The following WDR64 variants were observed in gnomAD, a reference collection of about 807,000 sequenced individuals.
The protein encoded by WDR64 is WD repeat domain 64.
Under a neutral mutation model 139.3 loss-of-function variants are expected in WDR64, and 112 were observed. The observed-to-expected ratio is 0.80, with a 90% CI of 0.69 to 0.94. The LOEUF (loss-of-function observed/expected upper bound fraction) is 0.94. Among genes scored for constraint, WDR64 ranks in the 40% least tolerant of loss-of-function variants. WDR64 has a pLI of 0.00. For missense variants in WDR64, 1,206 were observed against 1,293.1 expected (o/e 0.93, Z 1.03); for synonymous variants, 444 against 437.7 (o/e 1.01, Z -0.18).
At chr1:241,785,874 G>A (rs1168993749) in intron 23 of WDR64, among the ~76,000 whole-genome samples, 3 of 152,162 alleles carry the variant, frequency 2.0e-5, no homozygotes, top group Non-Finnish European at 4.4e-5. Flanking sequence ...AGGCAAAGTG[G>A]GGCTCAAGGT....
At chr1:241,795,075 C>G in intron 25 of WDR64, 132 bp from the exon 26 acceptor site, 1 of 688,054 alleles carries the variant, frequency 1.5e-6, no homozygotes, top group Non-Finnish European at 2.5e-6. Flanking sequence ...ATTTGATTCT[C>G]ATAACTAGGT....
chr1:241,802,000 A>C lies in WDR64; in HGVS notation c.*785A>C, dbSNP rs1168371855. ...GACACCAAACTCTTAAAGATAAAAG[A>C]ATGAAAAAAGATGTATGATGCAAAA... is the stretch of plus-strand genomic sequence containing the variant. On this transcript the variant is annotated 3_prime_UTR_variant, in exon 28 of 28. Transcript: ENST00000437684. The C allele has an allele frequency of 1.5e-5, 6 of 397,846 alleles. No homozygotes were observed. Among genetic ancestry groups the C allele is most frequent in the Admixed American group, 4.4e-5 (1 of 22,710 alleles). The allele number at this position is 397,846 out of a possible 1,614,324, so 24.6% of individuals were successfully genotyped here.
At chr1:241,663,217 C>T (rs1665898436) in intron 2 of WDR64, among the ~76,000 whole-genome samples, 1 of 152,180 alleles carries the variant, frequency 6.6e-6, no homozygotes, top group South Asian at 2.1e-4. Context: ...TGTAAAGATA[C>T]CAACTGTTCC....
At chr1:241,695,795 G>A (rs1667460138) in intron 8 of WDR64, among the ~76,000 whole-genome samples, 4 of 151,998 alleles carry the variant, frequency 2.6e-5, no homozygotes, top group Admixed American at 2.6e-4. Context: ...TATTGCCAAT[G>A]CTAAGATTAT....
At chr1:241,697,663 C>A (rs1667547588) in intron 8 of WDR64, among the ~76,000 whole-genome samples, 1 of 152,216 alleles carries the variant, frequency 6.6e-6, no homozygotes, top group Non-Finnish European at 1.5e-5. Context: ...ACATTTTCCT[C>A]CTAACAATCA....
intron 8 of WDR64, among the ~76,000 whole-genome samples, chr1:241,710,573 T>G (rs1368093893): frequency 6.6e-6 from 1 of 152,068 alleles, no homozygotes; most frequent in Non-Finnish European, 1.5e-5. Context: ...CCTAAGAAAG[T>G]TACATTTAAG....
intron 13 of WDR64, among the ~76,000 whole-genome samples, chr1:241,745,354 C>T (rs1217397143): frequency 6.6e-6 from 1 of 151,746 alleles, no homozygotes; most frequent in Non-Finnish European, 1.5e-5. Flanking sequence ...ATGCAACTGC[C>T]CTTCACGTGG....
At chr1:241,725,548 C>G (rs948367236) in intron 10 of WDR64, among the ~76,000 whole-genome samples, 2 of 152,084 alleles carry the variant, frequency 1.3e-5, no homozygotes, top group Middle Eastern at 3.2e-3. Flanking sequence ...GCGAATCTCC[C>G]TGGAGCCCAT....
In WDR64 at chr1:241,739,131, C is replaced by T. The variant is rs1669437620; in HGVS notation, c.1321+642C>T. ...GACCAATGGAGAGTGAGGATAGAGT[C>T]CCAGTGCTGATGCCAACAGATTTGT... On this transcript the variant is annotated intron_variant, in intron 11 of 27. Transcript: ENST00000437684. Among the ~76,000 whole-genome samples the T allele has an allele frequency of 2.0e-5, 3 of 152,196 alleles. No individual in the cohort carries two copies. The South Asian group carries it at 6.2e-4, about 32-fold the overall frequency.
At chr1:241,800,050 A>ATTG (rs1558530020) in intron 27 of WDR64, among the ~76,000 whole-genome samples, 1 of 152,240 alleles carries the variant, frequency 6.6e-6, no homozygotes, top group Non-Finnish European at 1.5e-5. Context: ...CATAAGAGAC[A>ATTG]CTGCAGAAAC....
Position 241,703,934 on chromosome 1 carries a change from A to G in WDR64, c.975-7868A>G, listed in dbSNP as rs922873895. Among the ~76,000 whole-genome samples the G allele has an allele frequency of 1.3e-5, 2 of 152,158 alleles. No homozygotes were observed. Among genetic ancestry groups the G allele is most frequent in the Non-Finnish European group, 1.5e-5 (1 of 68,028 alleles). On this transcript the variant is annotated intron_variant, in intron 8 of 27. Transcript: ENST00000437684. The surrounding 1 kb of genome is among the most constrained non-coding windows in gnomAD (Gnocchi z 5.9). ...ATCTCATGAGAACTCACTCACTAACACAAGAACAACACGGGAGAAGCCGCC... is the reference window on the plus strand; with the variant it reads ...ATCTCATGAGAACTCACTCACTAACGCAAGAACAACACGGGAGAAGCCGCC...
At chr1:241,719,391 G>A (rs1361020557) in intron 9 of WDR64, among the ~76,000 whole-genome samples, 1 of 152,072 alleles carries the variant, frequency 6.6e-6, no homozygotes, top group African/African-American at 2.4e-5. Context: ...TAACTATGAA[G>A]GATGATGGGG....
At chr1:241,750,473 A>T (rs571177312) in intron 14 of WDR64, among the ~76,000 whole-genome samples, 1 of 152,216 alleles carries the variant, frequency 6.6e-6, no homozygotes, top group Non-Finnish European at 1.5e-5. Context: ...GCCTGATGTA[A>T]TATACTCTTC....
Position 241,723,380 on chromosome 1 carries a change from G to A in WDR64, c.1138G>A (p.Ala380Thr), listed in dbSNP as rs377288411. 25 of 1,613,776 alleles carry A rather than the reference G, an allele frequency of 1.5e-5. No individual in the cohort carries two copies. The highest frequency in any genetic ancestry group is 1.9e-5 in the Non-Finnish European group (23 of 1,179,852). The change falls in exon 10 of 28, where the codon GCC (alanine) becomes ACC (threonine). Residue 380 changes from alanine to threonine, a missense_variant. Ala to Thr is a moderately conservative substitution (Grantham distance 58). Coordinates refer to ENST00000437684, the MANE Select transcript of WDR64 (RefSeq NM_001367482.1). ...GKLVGHMFSI[A>T]EIVTNEKDQH... is the part of the protein sequence containing the mutation. ...ACTTGTAGGACACATGTTCAGTATC[G>A]CCGAGATCGTAACCAATGAAAAAGA...
Position 241,735,845 on chromosome 1 carries a change from CTCTCTCTCTCTG to C in WDR64, c.1195-2516_1195-2505del, listed in dbSNP as rs1558498327. 3.2e-3 allele frequency among the ~76,000 whole-genome samples: 323 copies of C among 100,486 alleles called. 1 individual carries two copies. Among genetic ancestry groups the C allele is most frequent in the African/African-American group, 0.011 (234 of 22,006 alleles). 65.9% of individuals were successfully genotyped at this position (100,486 alleles called of 152,430 possible). A position where few individuals can be genotyped will look rare whatever the true frequency, so the allele number is the denominator to read the frequency against. On this transcript the variant is annotated intron_variant, in intron 10 of 27. Coordinates refer to ENST00000437684, the MANE Select transcript of WDR64 (RefSeq NM_001367482.1). ...TCTATCTCTCTCTCTCTCTCTCTCT[CTCTCTCTCTCTG>C]TGTGTGTGTGTGTGTGTGTGTGTGT...
At chr1:241,698,018 G>A (rs1264438264) in intron 8 of WDR64, among the ~76,000 whole-genome samples, 1 of 151,912 alleles carries the variant, frequency 6.6e-6, no homozygotes, top group African/African-American at 2.4e-5. Context: ...CCTCTTCTTG[G>A]GTGATAGTTG....
intron 1 of WDR64, among the ~76,000 whole-genome samples, chr1:241,654,617 T>C (rs1665502508): frequency 6.6e-6 from 1 of 152,148 alleles, no homozygotes; most frequent in South Asian, 2.1e-4. Flanking sequence ...TCTCTCTCAG[T>C]CTTAGAGCAT....
chr1:241,795,524 T>C (rs1659340020), intron 26 of WDR64, among the ~76,000 whole-genome samples: 1 of 152,228 alleles, frequency 6.6e-6, no homozygotes, highest in African/African-American at 2.4e-5. Flanking sequence ...CTCTGTTGGC[T>C]TGTCAACTAC....
At chr1:241,800,227 C>G (rs1659481743) in intron 27 of WDR64, among the ~76,000 whole-genome samples, 1 of 152,190 alleles carries the variant, frequency 6.6e-6, no homozygotes, top group Non-Finnish European at 1.5e-5. Context: ...GAGGAGTACT[C>G]ATGTGACCTC....
Sources: allele counts gnomAD v4.1 joint callset (sites outside exome capture counted in the v4.1 genomes callset), GRCh38; gene constraint gnomAD v4.1.1; non-coding constraint Gnocchi (gnomAD v3.1); transcripts MANE v1.5; gene names NCBI Gene and HGNC (gene_info 2026-07-23, HGNC 2026-07-21).